PPP2R2B: variants seen among roughly 807,000 people sequenced by gnomAD.
PPP2R2B encodes protein phosphatase 2 regulatory subunit Bbeta, also known as serine/threonine-protein phosphatase 2A 55 kDa regulatory subunit B beta isoform.
Under a neutral mutation model 46.0 loss-of-function variants are expected in PPP2R2B, and 5 were observed. That is an observed-to-expected ratio of 0.11 (90% CI 0.06 to 0.23). The LOEUF (loss-of-function observed/expected upper bound fraction) is 0.23, where lower values mean the gene tolerates loss of function less well. Ranked by LOEUF, PPP2R2B falls within the 10% of genes least tolerant of loss-of-function variation. PPP2R2B has a pLI of 1.00. For missense variants in PPP2R2B, 367 were observed against 575.0 expected (o/e 0.64, Z 3.70); for synonymous variants, 215 against 206.7 (o/e 1.04, Z -0.34).
chr5:146,915,447 T>TACACAC (rs34632167), intron 1 of PPP2R2B, among the ~76,000 whole-genome samples: 3,035 of 147,596 alleles, frequency 0.021, 98 homozygotes, highest in African/African-American at 0.069. Flanking sequence ...TCTACCTATG[T>TACACAC]ACACACACAC....
chr5:146,658,243 A>T (rs1776462424), intron 5 of PPP2R2B, among the ~76,000 whole-genome samples: 1 of 152,074 alleles, frequency 6.6e-6, no homozygotes. Context: ...CCCAGTGGAG[A>T]ATCTGAGGGT....
intron 2 of PPP2R2B, among the ~76,000 whole-genome samples, chr5:146,799,507 C>A (rs2151303580): frequency 6.6e-6 from 1 of 152,286 alleles, no homozygotes; most frequent in Non-Finnish European, 1.5e-5. Context: ...AGTCACTCTG[C>A]CATGCTGCAC....
intron 8 of PPP2R2B, among the ~76,000 whole-genome samples, chr5:146,599,137 T>C (rs766334962): frequency 3.9e-5 from 6 of 152,206 alleles, no homozygotes; most frequent in Admixed American, 6.5e-5. Context: ...TTTGCTTCTT[T>C]AAGTCCTCTC....
chr5:146,584,521 G>C lies in PPP2R2B; in HGVS notation c.*5426C>G, dbSNP rs769081124. 1 of 152,162 alleles carries C rather than the reference G, an allele frequency of 6.6e-6. No individual in the cohort carries two copies. Among genetic ancestry groups the C allele is most frequent in the Non-Finnish European group, 1.5e-5 (1 of 68,042 alleles). The allele number at this position is 152,162 out of a possible 1,614,324, so 9.4% of individuals were successfully genotyped here. A position where few individuals can be genotyped will look rare whatever the true frequency, so the allele number is the denominator to read the frequency against. On this transcript the variant is annotated 3_prime_UTR_variant, in exon 10 of 10. Transcript: ENST00000394411. ...GGAAGAAGTATAGGATCTGGAACAG[G>C]ATAGATCTAGATAAAACTTCCTGCT...
intron 7 of PPP2R2B, among the ~76,000 whole-genome samples, chr5:146,605,771 G>A (rs778468602): frequency 3.3e-5 from 5 of 152,094 alleles, no homozygotes; most frequent in Admixed American, 6.6e-5. Context: ...TTTTTATTTG[G>A]CAAATCATTT....
At chr5:146,598,669 T>A (rs1384358517) in intron 8 of PPP2R2B, among the ~76,000 whole-genome samples, 1 of 152,230 alleles carries the variant, frequency 6.6e-6, no homozygotes, top group South Asian at 2.1e-4. Context: ...TGATGCTTCT[T>A]TCTTTTCCTG....
chr5:146,731,782 A>T (rs1752247194), intron 2 of PPP2R2B, among the ~76,000 whole-genome samples: 1 of 152,256 alleles, frequency 6.6e-6, no homozygotes, highest in African/African-American at 2.4e-5. Context: ...AATAAGTTTT[A>T]GGAAAACAAC....
intron 2 of PPP2R2B, among the ~76,000 whole-genome samples, chr5:146,753,099 G>A (rs1753648566): frequency 6.6e-6 from 1 of 152,138 alleles, no homozygotes; most frequent in Non-Finnish European, 1.5e-5. Context: ...TCAAGCACTG[G>A]GGCTTAGCTG....
intron 2 of PPP2R2B, among the ~76,000 whole-genome samples, chr5:146,784,503 A>G (rs1311105202): frequency 6.6e-6 from 1 of 152,210 alleles, no homozygotes; most frequent in Non-Finnish European, 1.5e-5. Context: ...TATTTATCCT[A>G]TTCACACCTT....
intron 8 of PPP2R2B, among the ~76,000 whole-genome samples, chr5:146,597,337 A>G (rs1771271995): frequency 6.6e-6 from 1 of 151,466 alleles, no homozygotes; most frequent in African/African-American, 2.4e-5. Flanking sequence ...TGTACCTGTC[A>G]TTGCTATCCC....
intron 2 of PPP2R2B, among the ~76,000 whole-genome samples, chr5:146,745,346 A>G (rs760306059): frequency 6.6e-5 from 10 of 152,234 alleles, no homozygotes; most frequent in Non-Finnish European, 1.2e-4. Flanking sequence ...ATTTCAATCA[A>G]TATTCCAAGA....
chr5:146,949,828 A>C (rs751160850), intron 1 of PPP2R2B, among the ~76,000 whole-genome samples: 2 of 152,110 alleles, frequency 1.3e-5, no homozygotes, highest in Non-Finnish European at 2.9e-5. Context: ...CTATTCAGCC[A>C]TAAAAAAGAA....
intron 2 of PPP2R2B, among the ~76,000 whole-genome samples, chr5:146,859,855 T>A (rs530256604): frequency 6.6e-6 from 1 of 152,076 alleles, no homozygotes; most frequent in Non-Finnish European, 1.5e-5. Flanking sequence ...GTGGCCTATG[T>A]ATAGATTAGA....
intron 1 of PPP2R2B, among the ~76,000 whole-genome samples, chr5:146,950,878 A>G (rs1764630301): frequency 6.6e-6 from 1 of 152,130 alleles, no homozygotes; most frequent in Non-Finnish European, 1.5e-5. Flanking sequence ...ATTAACAGAT[A>G]TATAAGAAAT....
chr5:146,738,462 A>T (rs17105328), intron 2 of PPP2R2B, among the ~76,000 whole-genome samples: 16,645 of 151,780 alleles, frequency 0.11, 1,169 homozygotes, highest in East Asian at 0.38. Context: ...TTTAAACGTC[A>T]TCTTATTTTA....
chr5:146,722,155 C>A (rs539593834), intron 2 of PPP2R2B, among the ~76,000 whole-genome samples: 4 of 152,262 alleles, frequency 2.6e-5, no homozygotes, highest in Admixed American at 2.6e-4. Context: ...TTGCTATAAA[C>A]CACTCAACTT....
At chr5:146,786,759 G>C (rs1755865300) in intron 2 of PPP2R2B, among the ~76,000 whole-genome samples, 1 of 152,154 alleles carries the variant, frequency 6.6e-6, no homozygotes, top group South Asian at 2.1e-4. Flanking sequence ...ACACATTTGG[G>C]TATGATGTAA....
At chr5:146,739,711 T>C (rs1752752264) in intron 2 of PPP2R2B, among the ~76,000 whole-genome samples, 1 of 152,256 alleles carries the variant, frequency 6.6e-6, no homozygotes, top group African/African-American at 2.4e-5. Flanking sequence ...GTGTTTCATG[T>C]ACTTCTCACA....
chr5:147,039,325 C>G (rs553838605), intron 1 of PPP2R2B, among the ~76,000 whole-genome samples: 1 of 152,262 alleles, frequency 6.6e-6, no homozygotes, highest in East Asian at 1.9e-4. Flanking sequence ...ATGCAAGTGC[C>G]ATGAGGTGGG....
Sources: allele counts gnomAD v4.1 joint callset (sites outside exome capture counted in the v4.1 genomes callset), GRCh38; gene constraint gnomAD v4.1.1; transcripts MANE v1.5; gene names NCBI Gene and HGNC (gene_info 2026-07-23, HGNC 2026-07-21).